Variants in PYROXD2 observed in about 807,000 individuals in gnomAD.
The protein encoded by PYROXD2 is pyridine nucleotide-disulphide oxidoreductase domain 2, also known as pyridine nucleotide-disulfide oxidoreductase domain-containing protein 2.
In PYROXD2, 69 loss-of-function variants were observed where a neutral mutation model predicts 71.1. That is an observed-to-expected ratio of 0.97 (90% CI 0.80 to 1.19). The LOEUF is 1.19. PYROXD2 is among the 50% of genes most tolerant of loss of function. PYROXD2 has a pLI of 0.00. For synonymous variants in PYROXD2, 287 were observed against 302.7 expected, an observed-to-expected ratio of 0.95 and a Z score of 0.54; for missense variants, 745 against 748.9, an observed-to-expected ratio of 0.99 and a Z score of 0.06.
chr10:98,388,491 C>A lies in PYROXD2; in HGVS notation c.1310G>T (p.Cys437Phe), dbSNP rs756873816. The change falls in exon 13 of 16, where the codon TGC (cysteine) becomes TTC (phenylalanine). Residue 437 changes from cysteine (C) to phenylalanine (F), a missense_variant. Cys to Phe is a radical substitution (Grantham distance 205). Transcript: ENST00000370575. ...LPSHRPVIEL[C>F]IPSSLDPTLA... is the part of the protein sequence containing the mutation. ...GGTGGGGTCCAGCGAGGAAGGGATG[C>A]AGAGCTCAATCACAGGCCTGTGCGG... 3.7e-6 allele frequency: 6 copies of A among 1,608,392 alleles called. No individual in the cohort carries two copies. Among genetic ancestry groups the A allele is most frequent in the East Asian group, 2.2e-5 (1 of 44,790 alleles).
intron 13 of PYROXD2, 76 bp from the exon 14 acceptor site, chr10:98,387,383 TTTAC>T (rs1842789399): frequency 1.1e-6 from 1 of 951,668 alleles, no homozygotes; most frequent in Admixed American, 2.2e-5. Flanking sequence ...ACTTGGCAAA[TTTAC>T]TAACAGTCAT....
intron 10 of PYROXD2, among the ~76,000 whole-genome samples, chr10:98,391,786 A>T (rs2135942028): frequency 6.6e-6 from 1 of 152,258 alleles, no homozygotes; most frequent in South Asian, 2.1e-4. Flanking sequence ...TGCCTGGACT[A>T]CCGTGCTGGA....
In PYROXD2 at chr10:98,387,207, A is replaced by G. The variant is rs779662107; in HGVS notation, c.1548T>C (p.Pro516=). The G allele has an allele frequency of 6.2e-7, 1 of 1,613,734 alleles. No homozygotes were observed. Among genetic ancestry groups the G allele is most frequent in the Non-Finnish European group, 8.5e-7 (1 of 1,179,722 alleles). Residue 516 remains proline, a synonymous_variant, in exon 14 of 16, where the codon CCT becomes CCC. Transcript: ENST00000370575. ...PPDLERIFGL[P]GGNIFHCAMS... is the part of the protein sequence containing the mutation. Reference sequence around the variant, plus strand: ...CCCCTAGGCTTATACATACCCCTCCAGGAAGCCCGAAGATTCTCTCCAAAT... The same window carrying G: ...CCCCTAGGCTTATACATACCCCTCCGGGAAGCCCGAAGATTCTCTCCAAAT...
At chr10:98,387,402 T>C in intron 13 of PYROXD2, 95 bp from the exon 14 acceptor site, 1 of 792,990 alleles carries the variant, frequency 1.3e-6, no homozygotes, top group East Asian at 2.6e-5. Flanking sequence ...AGTCATTAAA[T>C]TACACACAGA....
intron 13 of PYROXD2, 38 bp from the exon 14 acceptor site, chr10:98,387,345 G>A (rs1842788131): frequency 1.4e-6 from 2 of 1,469,434 alleles, no homozygotes; most frequent in East Asian, 4.6e-5. Context: ...ATGGTGTTAG[G>A]AAGAAGAGGA....
chr10:98,397,365 A>G lies in PYROXD2; in HGVS notation c.605T>C (p.Leu202Pro). Residue 202 changes from leucine to proline, a missense_variant, in exon 6 of 16, where the codon CTC becomes CCC. By Grantham distance (98) the Leu-to-Pro change is moderately conservative. Transcript: ENST00000370575. ...CTTACCTGCCTTCAGCAGGGGCTTG[A>G]GGGTGGAGAGCGACCTCATCCTTTG... ...LLQRMRSLST[L>P]KPLLKAGRIL... The G allele has an allele frequency of 1.2e-6, 2 of 1,607,388 alleles. No individual in the cohort carries two copies. The highest frequency in any genetic ancestry group is 1.1e-5 in the South Asian group (1 of 90,288).
chr10:98,412,487 G>A (rs1464334714), intron 1 of PYROXD2, among the ~76,000 whole-genome samples: 2 of 152,152 alleles, frequency 1.3e-5, no homozygotes, highest in African/African-American at 4.8e-5. Context: ...GCTGACCTCT[G>A]GGAGACACCT....
Position 98,415,162 on chromosome 10 carries a change from G to A in PYROXD2, c.-27C>T, listed in dbSNP as rs758285830. 5 of 1,607,482 alleles carry A rather than the reference G, an allele frequency of 3.1e-6. No individual in the cohort carries two copies. Among genetic ancestry groups the A allele is most frequent in the East Asian group, 2.2e-5 (1 of 44,782 alleles). On this transcript the variant is annotated 5_prime_UTR_variant, in exon 1 of 16. Transcript: ENST00000370575. ...TCTGCCCCAGGCTGGGCCTTGCTAG[G>A]CAGGGAGTTTGCTAGCGATTGGCTT...
chr10:98,415,085 G>T lies in PYROXD2; in HGVS notation c.51C>A (p.Phe17Leu). The change falls in exon 1 of 16, where the codon TTC becomes TTA. Residue 17 changes from phenylalanine (F) to leucine (L), a missense_variant. By Grantham distance (22) the Phe-to-Leu change is conservative (BLOSUM62 0). Transcript: ENST00000370575. ...CCGTGTTATCTCGTCTCCACGCCGG[G>T]AAGGGAGAGGCGGCCACAGCCTTGC... ...GLCKAVAASP[F>L]PAWRRDNTEA... 1 of 1,614,060 alleles carries T rather than the reference G, an allele frequency of 6.2e-7. No individual in the cohort carries two copies. The highest frequency in any genetic ancestry group is 8.5e-7 in the Non-Finnish European group (1 of 1,179,930).
chr10:98,389,799 T>C (rs1842886954), intron 12 of PYROXD2, among the ~76,000 whole-genome samples: 1 of 152,218 alleles, frequency 6.6e-6, no homozygotes, highest in African/African-American at 2.4e-5. Context: ...TGTCTTCCTC[T>C]CATGGATAGA....
intron 8 of PYROXD2, among the ~76,000 whole-genome samples, chr10:98,394,489 T>TTCTA (rs1189946277): frequency 8.6e-4 from 130 of 152,020 alleles, no homozygotes; most frequent in African/African-American, 3.1e-3. Flanking sequence ...AGCTTCTAGC[T>TTCTA]GTATCTTCTG....
chr10:98,410,679 C>G (rs1843753882), intron 2 of PYROXD2: 1 of 523,722 alleles, frequency 1.9e-6, no homozygotes, highest in Admixed American at 3.5e-5. Context: ...AGCTCCCTGA[C>G]TCCCTCACAG....
chr10:98,391,715 G>A (rs1842950352), intron 10 of PYROXD2, among the ~76,000 whole-genome samples: 1 of 152,208 alleles, frequency 6.6e-6, no homozygotes, highest in Non-Finnish European at 1.5e-5. Flanking sequence ...ATCAAACCAT[G>A]TGATGCTTGC....
intron 8 of PYROXD2, 47 bp downstream of exon 8, chr10:98,395,149 G>A (rs367873890): frequency 6.6e-7 from 1 of 1,511,970 alleles, no homozygotes; most frequent in Non-Finnish European, 9.2e-7. Context: ...CACTCCTGTT[G>A]GGGAACATGC....
In PYROXD2 at chr10:98,385,070, G is replaced by A; in HGVS notation, c.1555-3C>T. On this transcript the variant is annotated splice_region_variant and splice_polypyrimidine_tract_variant and intron_variant, in intron 14 of 15. Coordinates refer to ENST00000370575, the MANE Select transcript of PYROXD2 (RefSeq NM_032709.3). ...GACATGGCGCAGTGGAATATGTTCT[G>A]CAGAGGCAGGGCCACAGTCATCAGC... is the stretch of plus-strand genomic sequence containing the variant. The A allele has an allele frequency of 6.2e-7, 1 of 1,613,648 alleles. No individual in the cohort carries two copies. The highest frequency in any genetic ancestry group is 1.1e-5 in the South Asian group (1 of 91,000).
intron 4 of PYROXD2, among the ~76,000 whole-genome samples, chr10:98,404,756 G>C (rs1843537534): frequency 6.6e-6 from 1 of 152,048 alleles, no homozygotes; most frequent in Admixed American, 6.5e-5. Context: ...TTATGTTCTG[G>C]GGGCCTCCTC....
At chr10:98,412,333 C>T (rs1487620375) in intron 1 of PYROXD2, among the ~76,000 whole-genome samples, 1 of 152,164 alleles carries the variant, frequency 6.6e-6, no homozygotes, top group Non-Finnish European at 1.5e-5. Context: ...CCTCTGTTCC[C>T]TTGAAGAGGA....
rs748137369 is a variant in PYROXD2, at chr10:98,390,597, C to A, written c.1292+1G>T. The A allele has an allele frequency of 6.3e-7, 1 of 1,587,008 alleles. No homozygotes were observed. The highest frequency in any genetic ancestry group is 1.8e-5 in the Admixed American group (1 of 56,694). ...GGGAACATAAAGTCCAGGGCCCCTA[C>A]CTGTGGGAAGGCAGGCCATCCATGG... On this transcript the variant is annotated splice_donor_variant, in intron 12 of 15. Transcript: ENST00000370575. LOFTEE classifies it high-confidence loss of function.
chr10:98,398,564 C>T (rs1002686980), intron 5 of PYROXD2, among the ~76,000 whole-genome samples: 1 of 152,190 alleles, frequency 6.6e-6, no homozygotes, highest in Non-Finnish European at 1.5e-5. Flanking sequence ...TGAAGTTAAA[C>T]AGCTTTCTCT....
Sources: allele counts gnomAD v4.1 joint callset (sites outside exome capture counted in the v4.1 genomes callset), GRCh38; gene constraint gnomAD v4.1.1; transcripts MANE v1.5; gene names NCBI Gene and HGNC (gene_info 2026-07-23, HGNC 2026-07-21).